The following PIK3C2G variants were observed in gnomAD, a reference collection of about 807,000 sequenced individuals.
The protein encoded by PIK3C2G is phosphatidylinositol-4-phosphate 3-kinase catalytic subunit type 2 gamma, also known as phosphatidylinositol 3-kinase C2 domain-containing subunit gamma.
In PIK3C2G, 168 loss-of-function variants were observed where a neutral mutation model predicts 181.1. The observed-to-expected ratio is 0.93, with a 90% CI of 0.82 to 1.05. The LOEUF (loss-of-function observed/expected upper bound fraction) is 1.05. Among genes scored for constraint, PIK3C2G ranks in the 50% least tolerant of loss-of-function variants. PIK3C2G has a pLI of 0.00. For synonymous variants in PIK3C2G, 573 were observed against 592.2 expected (o/e 0.97, Z 0.47); for missense variants, 1,869 against 1,732.8 (o/e 1.08, Z -1.40).
intron 24 of PIK3C2G, among the ~76,000 whole-genome samples, chr12:18,525,177 G>A (rs1280476125): frequency 1.3e-5 from 2 of 151,920 alleles, no homozygotes; most frequent in African/African-American, 4.8e-5. Flanking sequence ...GATCACCTGA[G>A]GTCAGAAGTT....
intron 24 of PIK3C2G, among the ~76,000 whole-genome samples, chr12:18,523,409 A>G (rs1943039070): frequency 6.6e-6 from 1 of 152,194 alleles, no homozygotes; most frequent in Non-Finnish European, 1.5e-5. Context: ...ACTATTTAGT[A>G]TAACCTAGAA....
the PIK3C2G span, among the ~76,000 whole-genome samples, chr12:18,691,449 C>A: frequency 1.3e-5 from 2 of 152,114 alleles, no homozygotes; most frequent in Middle Eastern, 3.4e-3. Flanking sequence ...GTTTATGTAA[C>A]AGAATCCAAG....
At chr12:18,602,967 T>C (rs746017140) in intron 30 of PIK3C2G, among the ~76,000 whole-genome samples, 2 of 152,022 alleles carry the variant, frequency 1.3e-5, no homozygotes, top group Non-Finnish European at 2.9e-5. Flanking sequence ...ACAAGGCTCA[T>C]CAACACCCAC....
chr12:18,602,552 A>G (rs1947791979), intron 30 of PIK3C2G, among the ~76,000 whole-genome samples: 2 of 151,558 alleles, frequency 1.3e-5, no homozygotes, highest in Non-Finnish European at 2.9e-5. Context: ...GGAAAGCTCC[A>G]CCTCCTGACA....
At chr12:18,541,253 A>G (rs1182553163) in intron 25 of PIK3C2G, among the ~76,000 whole-genome samples, 4 of 151,924 alleles carry the variant, frequency 2.6e-5, no homozygotes, top group Non-Finnish European at 4.4e-5. Flanking sequence ...GCTCATCCTT[A>G]GTAAAGAGCA....
At chr12:18,571,947 A>C (rs566629290) in intron 29 of PIK3C2G, among the ~76,000 whole-genome samples, 1 of 150,074 alleles carries the variant, frequency 6.7e-6, no homozygotes, top group East Asian at 1.9e-4. Context: ...TCTTTTTTTA[A>C]ATTTAGTATT....
At chr12:18,709,530 A>AC in the PIK3C2G span, among the ~76,000 whole-genome samples, 1 of 32,048 alleles carries the variant, frequency 3.1e-5, no homozygotes, top group Admixed American at 4.2e-4. Flanking sequence ...AAATTTTAGG[A>AC]CTTTTTTTTT....
At chr12:18,449,808 G>T (rs568977970) in intron 18 of PIK3C2G, among the ~76,000 whole-genome samples, 1 of 152,188 alleles carries the variant, frequency 6.6e-6, no homozygotes, top group South Asian at 2.1e-4. Context: ...ATTCCTTTGG[G>T]TATATACCCA....
the PIK3C2G span, chr12:18,699,991 C>T: frequency 3.8e-6 from 6 of 1,564,168 alleles, no homozygotes; most frequent in South Asian, 2.3e-5. Context: ...TTATGCTAAT[C>T]ATTGGGAAAA....
At chr12:18,456,693 C>A (rs1330982375) in intron 18 of PIK3C2G, among the ~76,000 whole-genome samples, 1 of 152,146 alleles carries the variant, frequency 6.6e-6, no homozygotes, top group African/African-American at 2.4e-5. Context: ...CCCCAGGTAA[C>A]CTTTTCCTAT....
chr12:18,512,415 T>C (rs1386213672), intron 24 of PIK3C2G, among the ~76,000 whole-genome samples: 1 of 152,016 alleles, frequency 6.6e-6, no homozygotes, highest in East Asian at 1.9e-4. Context: ...ACGGACATTT[T>C]AAAAATATTA....
the PIK3C2G span, among the ~76,000 whole-genome samples, chr12:18,685,079 T>A: frequency 6.6e-6 from 1 of 152,040 alleles, no homozygotes; most frequent in Non-Finnish European, 1.5e-5. Context: ...GGTAGAATCT[T>A]TAGAGCAATA....
intron 13 of PIK3C2G, among the ~76,000 whole-genome samples, chr12:18,374,913 C>T (rs2137906968): frequency 6.6e-6 from 1 of 152,274 alleles, no homozygotes; most frequent in East Asian, 1.9e-4. Flanking sequence ...CTTCTTGAGA[C>T]CTCCCCAGAA....
chr12:18,425,908 T>C (rs1452872460), intron 18 of PIK3C2G, among the ~76,000 whole-genome samples: 1 of 152,248 alleles, frequency 6.6e-6, no homozygotes, highest in African/African-American at 2.4e-5. Context: ...TGATTTCTTA[T>C]ATTTTGTACT....
exon 1 of PIK3C2G, chr12:18,247,978 T>A (rs1948057748): frequency 6.6e-6 from 1 of 151,980 alleles, no homozygotes; most frequent in South Asian, 2.1e-4. Context: ...TTATTGAGAA[T>A]TGTTGAGAAG....
intron 16 of PIK3C2G, among the ~76,000 whole-genome samples, chr12:18,413,661 A>C (rs60111753): frequency 0.025 from 3,852 of 152,196 alleles, 137 homozygotes; most frequent in African/African-American, 0.083. Context: ...TACTTTGTTT[A>C]AGTCCCATAC....
At chr12:18,571,055 A>G (rs1945910453) in intron 29 of PIK3C2G, among the ~76,000 whole-genome samples, 1 of 150,778 alleles carries the variant, frequency 6.6e-6, no homozygotes, top group South Asian at 2.1e-4. Context: ...ATTGCACCCC[A>G]CAAATCTCTC....
chr12:18,715,183 C>G, the PIK3C2G span, among the ~76,000 whole-genome samples: 68 of 356 alleles, frequency 0.19, 2 homozygotes, highest in Non-Finnish European at 0.33. Flanking sequence ...GGGGGGGGGG[C>G]GGAGGGAGGG....
At chr12:18,538,826 G>A (rs1269892655) in intron 25 of PIK3C2G, among the ~76,000 whole-genome samples, 1 of 151,802 alleles carries the variant, frequency 6.6e-6, no homozygotes, top group Non-Finnish European at 1.5e-5. Flanking sequence ...GTATGCATTA[G>A]GTGTACTGAG....
Sources: gnomAD v4.1 joint callset for allele counts (sites outside exome capture counted in the v4.1 genomes callset) on GRCh38, gnomAD v4.1.1 for gene constraint, MANE v1.5 for transcripts, NCBI Gene and HGNC (gene_info 2026-07-23, HGNC 2026-07-21) for gene names.